Variants in PKIB observed in about 807,000 individuals in gnomAD.
The protein encoded by PKIB is PKI-beta.
A neutral mutation model predicts 4.5 loss-of-function variants in PKIB; 2 were observed. The ratio of observed to expected loss-of-function variants is 0.44; its 90% confidence interval spans 0.18 to 1.39. The LOEUF (loss-of-function observed/expected upper bound fraction) is 1.39. PKIB is among the 40% of genes most tolerant of loss of function. The pLI is 0.27. For missense variants in PKIB, 94 were observed against 92.6 expected (o/e 1.02, Z -0.06); for synonymous variants, 38 against 36.0 (o/e 1.06, Z -0.20).
intron 2 of PKIB, among the ~76,000 whole-genome samples, chr6:122,545,664 A>G (rs1772471523): frequency 6.6e-6 from 1 of 150,902 alleles, no homozygotes; most frequent in African/African-American, 2.4e-5. Flanking sequence ...GAGGGTGTGG[A>G]TTGAAAAACT....
At chr6:122,530,685 C>T (rs1777229113) in intron 2 of PKIB, among the ~76,000 whole-genome samples, 1 of 152,150 alleles carries the variant, frequency 6.6e-6, no homozygotes, top group African/African-American at 2.4e-5. Flanking sequence ...TAACATGCTA[C>T]TAGCCTCTGT....
At chr6:122,723,037 C>A (rs957481814) in intron 4 of PKIB, among the ~76,000 whole-genome samples, 1 of 152,250 alleles carries the variant, frequency 6.6e-6, no homozygotes, top group South Asian at 2.1e-4. Flanking sequence ...CTTGGCTTTC[C>A]GGACACTCCA....
At chr6:122,598,965 T>C (rs1774266843) in intron 3 of PKIB, among the ~76,000 whole-genome samples, 1 of 152,162 alleles carries the variant, frequency 6.6e-6, no homozygotes, top group Non-Finnish European at 1.5e-5. Context: ...GATTTGTGTT[T>C]ATATGAATTA....
chr6:122,688,046 G>T (rs1180188746), intron 3 of PKIB, among the ~76,000 whole-genome samples: 2 of 152,018 alleles, frequency 1.3e-5, no homozygotes, highest in African/African-American at 2.4e-5. Context: ...TTAGAGGAAA[G>T]GCTTTCAGTT....
intron 4 of PKIB, among the ~76,000 whole-genome samples, chr6:122,723,496 C>CT (rs879524720): frequency 6.6e-6 from 1 of 152,144 alleles, no homozygotes; most frequent in African/African-American, 2.4e-5. Flanking sequence ...TCCATCCCAT[C>CT]TATCAGTGAA....
chr6:122,660,653 G>T (rs991239647), intron 2 of PKIB, among the ~76,000 whole-genome samples: 5 of 152,092 alleles, frequency 3.3e-5, no homozygotes, highest in Admixed American at 6.5e-5. Flanking sequence ...ACAAATTTTT[G>T]ATTAGAATAC....
At chr6:122,587,282 T>C (rs1034423199) in intron 3 of PKIB, among the ~76,000 whole-genome samples, 2 of 152,144 alleles carry the variant, frequency 1.3e-5, no homozygotes, top group Non-Finnish European at 2.9e-5. Context: ...CGGTGTTTGG[T>C]TTTTTATCCT....
chr6:122,575,116 G>A (rs946909080), intron 2 of PKIB, among the ~76,000 whole-genome samples: 1 of 152,058 alleles, frequency 6.6e-6, no homozygotes, highest in Non-Finnish European at 1.5e-5. Context: ...TTCAAACGAA[G>A]ATACACAAAC....
rs1778640727 is a variant in PKIB at position 122,698,001 on chromosome 6, G to A, written c.-8-19786G>A. ...ACCCTTAGGCAATGGTCTAAGAGTT[G>A]TAAAAATATACATATGAGGTGAAAT... is the stretch of plus-strand genomic sequence containing the variant. On this transcript the variant is annotated intron_variant, in intron 3 of 4. Transcript: ENST00000368452. Among the ~76,000 whole-genome samples the A allele has an allele frequency of 2.0e-5, 3 of 152,096 alleles. No individual in the cohort carries two copies. In the South Asian group the frequency reaches 6.2e-4, roughly 32 times the overall value.
chr6:122,700,612 C>A (rs1481519394), intron 3 of PKIB, among the ~76,000 whole-genome samples: 1 of 152,122 alleles, frequency 6.6e-6, no homozygotes, highest in Non-Finnish European at 1.5e-5. Flanking sequence ...CTCAATAGAC[C>A]AAAATTATCT....
chr6:122,513,705 C>G (rs919200593), intron 2 of PKIB, among the ~76,000 whole-genome samples: 17 of 152,114 alleles, frequency 1.1e-4, no homozygotes, highest in African/African-American at 4.1e-4. Flanking sequence ...GTTTAGCTTC[C>G]AATTACAAGT....
chr6:122,707,551 GA>G (rs2115044273), intron 3 of PKIB, among the ~76,000 whole-genome samples: 1 of 152,132 alleles, frequency 6.6e-6, no homozygotes, highest in Non-Finnish European at 1.5e-5. Context: ...TCCGATTAAA[GA>G]AACATTTATA....
At chr6:122,718,658 G>A (rs1283232992) in intron 4 of PKIB, among the ~76,000 whole-genome samples, 2 of 152,130 alleles carry the variant, frequency 1.3e-5, no homozygotes, top group African/African-American at 2.4e-5. Flanking sequence ...AGACTCTCAG[G>A]TGGACTCTAG....
At chr6:122,558,985 G>T (rs1474821130) in intron 2 of PKIB, among the ~76,000 whole-genome samples, 3 of 152,118 alleles carry the variant, frequency 2.0e-5, no homozygotes, top group East Asian at 1.9e-4. Flanking sequence ...CCACATATCA[G>T]TGAGAACATA....
chr6:122,557,153 T>C (rs914214759), intron 2 of PKIB, among the ~76,000 whole-genome samples: 2 of 152,160 alleles, frequency 1.3e-5, no homozygotes, highest in African/African-American at 4.8e-5. Context: ...GAGGCAGAGC[T>C]TGCAGTGAGC....
chr6:122,576,689 A>AAAAAAAAAAAATATAT (rs1345822382), intron 2 of PKIB, among the ~76,000 whole-genome samples: 1 of 34,314 alleles, frequency 2.9e-5, no homozygotes, highest in Non-Finnish European at 4.7e-5. Flanking sequence ...AAAAAAAAAA[A>AAAAAAAAAAAATATAT]ATATATATAT....
At chr6:122,670,940 G>T (rs980733060) in intron 2 of PKIB, among the ~76,000 whole-genome samples, 4 of 152,152 alleles carry the variant, frequency 2.6e-5, no homozygotes, top group Admixed American at 2.6e-4. Flanking sequence ...AACTTTCAGG[G>T]TTTTATGTAT....
At chr6:122,700,092 A>G (rs536386445) in intron 3 of PKIB, among the ~76,000 whole-genome samples, 2 of 152,206 alleles carry the variant, frequency 1.3e-5, no homozygotes, top group South Asian at 4.1e-4. Context: ...GTGCCCCTTT[A>G]TCTTGGCTAT....
At chr6:122,526,236 A>G (rs77982205) in intron 2 of PKIB, among the ~76,000 whole-genome samples, 14,226 of 152,142 alleles carry the variant, frequency 0.094, 813 homozygotes, top group South Asian at 0.15. Context: ...AAAGTTATCC[A>G]TAAGAGCTGG....
Sources: allele counts gnomAD v4.1 joint callset (sites outside exome capture counted in the v4.1 genomes callset), GRCh38; gene constraint gnomAD v4.1.1; transcripts MANE v1.5; gene names NCBI Gene and HGNC (gene_info 2026-07-23, HGNC 2026-07-21).